LIN28B: variants seen among roughly 807,000 people sequenced by gnomAD.
LIN28B encodes lin-28 RNA binding posttranscriptional regulator B.
In LIN28B, 5 loss-of-function variants were observed where a neutral mutation model predicts 21.9. The observed-to-expected ratio is 0.23, with a 90% CI of 0.12 to 0.48. The LOEUF (loss-of-function observed/expected upper bound fraction) is 0.48. LIN28B is among the 20% of genes least tolerant of loss of function. The pLI, the probability that LIN28B is intolerant of heterozygous loss-of-function variation, is 0.98. For missense variants in LIN28B, 245 were observed against 310.5 expected (o/e 0.79, Z 1.58); for synonymous variants, 109 against 111.3 (o/e 0.98, Z 0.13).
At chr6:105,017,768 T>G (rs1286480531) in intron 2 of LIN28B, among the ~76,000 whole-genome samples, 5 of 151,970 alleles carry the variant, frequency 3.3e-5, no homozygotes, top group Admixed American at 2.6e-4. Flanking sequence ...GGGCAAGGGT[T>G]GAAAAACTAA....
Position 105,025,872 on chromosome 6 carries a change from A to G in LIN28B, c.199-426A>G, listed in dbSNP as rs139280260. On this transcript the variant is annotated intron_variant, in intron 2 of 3. Transcript: ENST00000345080. ...CTACATTAGAACATGTAGAACTAATAAAACTTCTCTTAATGGCTTAATAAT... is the reference window on the plus strand; with the variant it reads ...CTACATTAGAACATGTAGAACTAATGAAACTTCTCTTAATGGCTTAATAAT... 3.1e-3 allele frequency among the ~76,000 whole-genome samples: 471 copies of G among 152,244 alleles called. 6 individuals carry two copies. The highest frequency in any genetic ancestry group is 0.011 in the African/African-American group (449 of 41,558).
intron 2 of LIN28B, among the ~76,000 whole-genome samples, chr6:104,994,860 T>A (rs904511939): frequency 6.6e-6 from 1 of 152,204 alleles, no homozygotes; most frequent in African/African-American, 2.4e-5. Context: ...GGGGAGCCTT[T>A]GAAGGATTTT....
chr6:105,068,108 G>C lies in LIN28B; in HGVS notation c.384-10306G>C, dbSNP rs576436964. ...TTTGGTGCATTTTCACTGATGTTAT[G>C]AGATAGTTGATGGCATTAATCAGAG... On this transcript the variant is annotated intron_variant, in intron 3 of 3. Transcript: ENST00000345080. Among the ~76,000 whole-genome samples the C allele has an allele frequency of 1.1e-4, 16 of 152,254 alleles. 1 individual carries two copies. In the South Asian group the frequency reaches 3.1e-3, roughly 30 times the overall value.
chr6:104,956,171 CTCTT>C (rs1778287017), upstream of LIN28B, among the ~76,000 whole-genome samples: 1 of 152,026 alleles, frequency 6.6e-6, no homozygotes. Flanking sequence ...TCTCTCCCAC[CTCTT>C]TCTTTGACTC....
At chr6:105,044,694 T>C (rs1475338139) in intron 3 of LIN28B, among the ~76,000 whole-genome samples, 3 of 152,164 alleles carry the variant, frequency 2.0e-5, no homozygotes, top group African/African-American at 7.2e-5. Flanking sequence ...AAATTACTGT[T>C]TTAGTTTAAA....
At chr6:105,054,931 G>A (rs186201215) in intron 3 of LIN28B, among the ~76,000 whole-genome samples, 94 of 151,458 alleles carry the variant, frequency 6.2e-4, no homozygotes, top group African/African-American at 2.3e-3. Flanking sequence ...TTTTTAAAAG[G>A]TATTTTTAAT....
Position 105,026,455 on chromosome 6 carries a change from T to C in LIN28B, c.356T>C (p.Leu119Pro). Residue 119 changes from leucine (L) to proline (P), a missense_variant, in exon 3 of 4, where the codon CTA (leucine) becomes CCA (proline). Coordinates refer to ENST00000345080, the MANE Select transcript of LIN28B (RefSeq NM_001004317.4). ...GAAAGAAGACCCAAAGGGAAGACAC[T>C]ACAGAAAAGAAAACCAAAGGGAGAT... ...GSERRPKGKT[L>P]QKRKPKGDRC... The C allele has an allele frequency of 6.3e-7, 1 of 1,587,632 alleles. No individual in the cohort carries two copies. Among genetic ancestry groups the C allele is most frequent in the Non-Finnish European group, 8.5e-7 (1 of 1,171,796 alleles).
intron 3 of LIN28B, among the ~76,000 whole-genome samples, chr6:105,046,678 G>A (rs2114376139): frequency 6.6e-6 from 1 of 152,168 alleles, no homozygotes; most frequent in East Asian, 1.9e-4. Context: ...TCCAGCACCT[G>A]TTGTTTCCTG....
intron 3 of LIN28B, among the ~76,000 whole-genome samples, chr6:105,038,337 T>A (rs1190603135): frequency 6.6e-6 from 1 of 152,040 alleles, no homozygotes. Context: ...CAGGCACATG[T>A]GACTATGAAA....
intron 3 of LIN28B, among the ~76,000 whole-genome samples, chr6:105,063,652 A>AG (rs1308172912): frequency 1.3e-5 from 2 of 148,944 alleles, no homozygotes; most frequent in Non-Finnish European, 3.0e-5. Flanking sequence ...GGGGGGGAAA[A>AG]AAAGGTAAAG....
At chr6:104,957,607 T>TG (rs949594065) in intron 1 of LIN28B, among the ~76,000 whole-genome samples, 11 of 151,778 alleles carry the variant, frequency 7.2e-5, no homozygotes, top group African/African-American at 1.2e-4. Flanking sequence ...TTGAAAGTTA[T>TG]GGGGGGGAGG....
chr6:104,967,847 G>A lies in LIN28B; in HGVS notation c.198+9561G>A, dbSNP rs1250395382. Among the ~76,000 whole-genome samples the A allele has an allele frequency of 2.0e-5, 3 of 151,764 alleles. No homozygotes were observed. The East Asian group carries it at 5.8e-4, about 29-fold the overall frequency. On this transcript the variant is annotated intron_variant, in intron 2 of 3. Coordinates refer to ENST00000345080, the MANE Select transcript of LIN28B (RefSeq NM_001004317.4). ...GCGTGCACCACCATGCCTGGCACATGCCACTGCGCCTGGCTAATTTTTAAA... is the reference window on the plus strand; with the variant it reads ...GCGTGCACCACCATGCCTGGCACATACCACTGCGCCTGGCTAATTTTTAAA...
At chr6:104,958,020 A>C in intron 1 of LIN28B, 79 bp from the exon 2 acceptor site, 49 of 956,560 alleles carry the variant, frequency 5.1e-5, no homozygotes, top group Non-Finnish European at 5.2e-5. Flanking sequence ...AACCCCAGGC[A>C]GGCAATTTTT....
intron 2 of LIN28B, among the ~76,000 whole-genome samples, chr6:104,966,484 A>C (rs141447999): frequency 1.6e-3 from 249 of 152,034 alleles, no homozygotes; most frequent in African/African-American, 5.5e-3. Context: ...GAGACAGAGT[A>C]TTGCTCTTGC....
At chr6:104,985,450 T>C (rs1770318141) in intron 2 of LIN28B, among the ~76,000 whole-genome samples, 3 of 152,188 alleles carry the variant, frequency 2.0e-5, no homozygotes, top group African/African-American at 4.8e-5. Context: ...TATACTTCAA[T>C]TGATTGTTCT....
At chr6:105,018,848 A>G (rs1298947240) in intron 2 of LIN28B, among the ~76,000 whole-genome samples, 1 of 151,928 alleles carries the variant, frequency 6.6e-6, no homozygotes, top group East Asian at 1.9e-4. Flanking sequence ...AAAATCTTTT[A>G]TTGATGTTAT....
chr6:105,021,551 CTG>C (rs1348571425), intron 2 of LIN28B, among the ~76,000 whole-genome samples: 6 of 152,078 alleles, frequency 3.9e-5, no homozygotes, highest in South Asian at 2.1e-4. Flanking sequence ...GCCATTCTGA[CTG>C]TGGTAAGATG....
At chr6:105,055,066 C>A (rs868848565) in intron 3 of LIN28B, among the ~76,000 whole-genome samples, 6 of 151,554 alleles carry the variant, frequency 4.0e-5, no homozygotes, top group South Asian at 2.1e-4. Flanking sequence ...TATCTTTTTT[C>A]TTATTCCTTT....
chr6:105,051,941 G>A (rs577452473), intron 3 of LIN28B, among the ~76,000 whole-genome samples: 2 of 152,312 alleles, frequency 1.3e-5, no homozygotes, highest in South Asian at 2.1e-4. Flanking sequence ...TAAATGCTGT[G>A]AAGAAAATTA....
Sources: gnomAD v4.1 joint callset for allele counts (sites outside exome capture counted in the v4.1 genomes callset) on GRCh38, gnomAD v4.1.1 for gene constraint, MANE v1.5 for transcripts, NCBI Gene and HGNC (gene_info 2026-07-23, HGNC 2026-07-21) for gene names.